CTNNA3: variants seen among roughly 807,000 people sequenced by gnomAD.
CTNNA3 encodes the protein catenin alpha-3.
A neutral mutation model predicts 95.7 loss-of-function variants in CTNNA3; 76 were observed. The ratio of observed to expected loss-of-function variants is 0.79; its 90% CI spans 0.66 to 0.96. The LOEUF (loss-of-function observed/expected upper bound fraction) is 0.96. Ranked by LOEUF, CTNNA3 falls within the 40% of genes least tolerant of loss-of-function variation. CTNNA3 has a pLI of 0.00. For missense variants in CTNNA3, 1,191 were observed against 1,089.8 expected, an observed-to-expected ratio of 1.09 and a Z score of -1.31; for synonymous variants, 431 against 374.4, an observed-to-expected ratio of 1.15 and a Z score of -1.74.
intron 1 of CTNNA3, among the ~76,000 whole-genome samples, chr10:67,715,598 C>T (rs138369772): frequency 9.3e-4 from 141 of 152,162 alleles, no homozygotes; most frequent in Middle Eastern, 3.4e-3. Flanking sequence ...CTCTATGTTA[C>T]GGTGTGATGA....
At chr10:67,019,382 C>T (rs1394518844) in intron 7 of CTNNA3, among the ~76,000 whole-genome samples, 1 of 152,062 alleles carries the variant, frequency 6.6e-6, no homozygotes, top group African/African-American at 2.4e-5. Context: ...CCACGCCAGG[C>T]TAATTTTGTG....
At chr10:67,629,168 AC>A (rs1056125331) in intron 2 of CTNNA3, among the ~76,000 whole-genome samples, 107 of 152,242 alleles carry the variant, frequency 7.0e-4, no homozygotes, top group African/African-American at 2.3e-3. Flanking sequence ...TAAAAAAAAA[AC>A]AACAACTTTT....
intron 6 of CTNNA3, among the ~76,000 whole-genome samples, chr10:67,215,030 A>C (rs1864293957): frequency 1.3e-5 from 2 of 151,900 alleles, no homozygotes; most frequent in Admixed American, 6.6e-5. Context: ...CTCTCTTCTG[A>C]ATTGTATATT....
At chr10:66,647,340 A>G (rs947966687) in intron 9 of CTNNA3, among the ~76,000 whole-genome samples, 2 of 152,120 alleles carry the variant, frequency 1.3e-5, no homozygotes, top group East Asian at 3.9e-4. Flanking sequence ...AAATCAAAAT[A>G]CAGGAAAGTA....
At chr10:67,623,208 C>T (rs778826056) in intron 2 of CTNNA3, among the ~76,000 whole-genome samples, 2 of 152,142 alleles carry the variant, frequency 1.3e-5, no homozygotes, top group Non-Finnish European at 2.9e-5. Context: ...TGACAGAAAG[C>T]AACCACAAAC....
At chr10:67,135,948 T>C (rs1222028596) in intron 7 of CTNNA3, among the ~76,000 whole-genome samples, 1 of 152,222 alleles carries the variant, frequency 6.6e-6, no homozygotes, top group East Asian at 1.9e-4. Flanking sequence ...TCTTCTTGAA[T>C]CATGAATGCC....
At chr10:66,210,635 G>A (rs1436819622) in intron 13 of CTNNA3, among the ~76,000 whole-genome samples, 1 of 151,840 alleles carries the variant, frequency 6.6e-6, no homozygotes, top group East Asian at 1.9e-4. Context: ...TTAAATTTAT[G>A]TTAACGTACC....
At chr10:67,301,646 T>C (rs1840276508) in intron 5 of CTNNA3, among the ~76,000 whole-genome samples, 1 of 152,084 alleles carries the variant, frequency 6.6e-6, no homozygotes, top group South Asian at 2.1e-4. Context: ...TATATATATA[T>C]ATAAGGAATG....
chr10:67,581,540 C>G (rs1319788422), intron 3 of CTNNA3, among the ~76,000 whole-genome samples: 1 of 152,098 alleles, frequency 6.6e-6, no homozygotes, highest in African/African-American at 2.4e-5. Context: ...TGTGTCTCTT[C>G]CAGGCTTTGG....
chr10:67,397,763 G>A (rs933442712), intron 5 of CTNNA3, among the ~76,000 whole-genome samples: 2 of 152,190 alleles, frequency 1.3e-5, no homozygotes. Context: ...CCTGCTGTAT[G>A]CAGACTTGGG....
intron 9 of CTNNA3, among the ~76,000 whole-genome samples, chr10:66,727,271 A>G (rs1032693728): frequency 6.6e-6 from 1 of 152,114 alleles, no homozygotes; most frequent in Non-Finnish European, 1.5e-5. Context: ...CATTAAAAAA[A>G]AGTTTGCCTA....
chr10:67,236,332 TA>T (rs1480490045), intron 5 of CTNNA3, among the ~76,000 whole-genome samples: 19 of 151,142 alleles, frequency 1.3e-4, no homozygotes, highest in African/African-American at 3.4e-4. Context: ...TATGCAGCCA[TA>T]AAAAATGATG....
At chr10:66,162,108 T>A (rs1368292915) in intron 13 of CTNNA3, among the ~76,000 whole-genome samples, 1 of 152,286 alleles carries the variant, frequency 6.6e-6, no homozygotes, top group East Asian at 1.9e-4. Context: ...CTTCACTTCT[T>A]GTATCTTGTT....
chr10:67,553,603 T>G (rs1211163991), intron 3 of CTNNA3, among the ~76,000 whole-genome samples: 3 of 152,022 alleles, frequency 2.0e-5, no homozygotes, highest in African/African-American at 7.2e-5. Flanking sequence ...ATACGGGAAA[T>G]AAGATTATTC....
At chr10:67,569,505 T>C (rs1841916615) in intron 3 of CTNNA3, among the ~76,000 whole-genome samples, 1 of 152,150 alleles carries the variant, frequency 6.6e-6, no homozygotes, top group African/African-American at 2.4e-5. Flanking sequence ...AACTAAAATG[T>C]GGCCTGAAAT....
intron 9 of CTNNA3, among the ~76,000 whole-genome samples, chr10:66,639,124 G>A (rs1046538079): frequency 3.9e-5 from 6 of 151,998 alleles, no homozygotes; most frequent in Non-Finnish European, 8.8e-5. Context: ...TGCAGTAAGT[G>A]TACCTGAAAT....
chr10:67,409,285 C>T lies in CTNNA3; in HGVS notation c.579+112557G>A, dbSNP rs547945315. ...ATGCTACTATAAAGACGCATGCACA[C>T]GTATGTTTATTGCGGCACTATTCAT... On this transcript the variant is annotated intron_variant, in intron 5 of 17. Transcript: ENST00000433211. Among the ~76,000 whole-genome samples, 61 of 152,122 alleles carry T rather than the reference C, an allele frequency of 4.0e-4. 1 individual carries two copies. The highest frequency in any genetic ancestry group is 6.8e-3 in the Middle Eastern group (2 of 294).
At chr10:66,626,541 T>G (rs1010543121) in intron 9 of CTNNA3, among the ~76,000 whole-genome samples, 1 of 151,920 alleles carries the variant, frequency 6.6e-6, no homozygotes, top group Non-Finnish European at 1.5e-5. Flanking sequence ...CTAGTCCCAT[T>G]GCAGGACAGC....
At chr10:66,189,617 T>TATATATATATATATAC (rs151078010) in intron 13 of CTNNA3, among the ~76,000 whole-genome samples, 13 of 140,366 alleles carry the variant, frequency 9.3e-5, no homozygotes, top group African/African-American at 2.3e-4. Flanking sequence ...TATATATATA[T>TATATATATATATATAC]ACACACATAC....
Sources: gnomAD v4.1 joint callset for allele counts (sites outside exome capture counted in the v4.1 genomes callset) on GRCh38, gnomAD v4.1.1 for gene constraint, MANE v1.5 for transcripts, NCBI Gene and HGNC (gene_info 2026-07-23, HGNC 2026-07-21) for gene names.